HSD17B4: variants seen among roughly 807,000 people sequenced by gnomAD.
HSD17B4 encodes the protein hydroxysteroid 17-beta dehydrogenase 4.
A neutral mutation model predicts 101.0 loss-of-function variants in HSD17B4; 70 were observed. The observed-to-expected ratio is 0.69, with a 90% CI of 0.57 to 0.85. The LOEUF (loss-of-function observed/expected upper bound fraction) is 0.85, where lower values mean the gene tolerates loss of function less well. HSD17B4 is among the 40% of genes least tolerant of loss of function. The probability of loss-of-function intolerance (pLI) is 0.00; values close to 1 mark genes in which losing one functional copy is unlikely to be tolerated. For synonymous variants in HSD17B4, 347 were observed against 297.1 expected, an observed-to-expected ratio of 1.17 and a Z score of -1.73; for missense variants, 984 against 892.4, an observed-to-expected ratio of 1.10 and a Z score of -1.31.
intron 22 of HSD17B4, among the ~76,000 whole-genome samples, chr5:119,532,650 C>A (rs1343570099): frequency 1.3e-5 from 2 of 151,890 alleles, no homozygotes; most frequent in African/African-American, 4.8e-5. Flanking sequence ...AATTTCTAAA[C>A]CCAGCCAGAA....
intron 7 of HSD17B4, chr5:119,477,703 T>C (rs1748721321): frequency 3.6e-6 from 2 of 562,732 alleles, no homozygotes; most frequent in Non-Finnish European, 6.5e-6. Context: ...GAAAGCTTTA[T>C]ATTTATTTTT....
chr5:119,525,372 G>T lies in HSD17B4; in HGVS notation c.1573+87G>T, dbSNP rs1052297910. On this transcript the variant is annotated intron_variant, in intron 18 of 23. Transcript: ENST00000510025. Reference sequence around the variant, plus strand: ...TGTAAAGACACTACTACTTATGACTGGTAGTTTGAGTAGCATTTAAAAAAA... The same window carrying T: ...TGTAAAGACACTACTACTTATGACTTGTAGTTTGAGTAGCATTTAAAAAAA... 8 of 822,112 alleles carry T rather than the reference G, an allele frequency of 9.7e-6. No homozygotes were observed. In the African/African-American group the frequency reaches 1.4e-4, roughly 14 times the overall value. 50.9% of individuals were successfully genotyped at this position (822,112 alleles called of 1,614,324 possible). A position where few individuals can be genotyped will look rare whatever the true frequency, so the allele number is the denominator to read the frequency against.
chr5:119,523,743 A>G (rs932344284), intron 17 of HSD17B4, among the ~76,000 whole-genome samples: 2 of 152,138 alleles, frequency 1.3e-5, no homozygotes, highest in Non-Finnish European at 2.9e-5. Context: ...AAAATAACTA[A>G]CATTTATTGA....
intron 13 of HSD17B4, among the ~76,000 whole-genome samples, chr5:119,500,462 A>C (rs1391198090): frequency 6.6e-6 from 1 of 152,136 alleles, no homozygotes; most frequent in Admixed American, 6.6e-5. Flanking sequence ...ATTTATACAT[A>C]CACATTTATT....
intron 23 of HSD17B4, 57 bp downstream of exon 23, chr5:119,536,607 T>C (rs577966049): frequency 3.2e-4 from 506 of 1,572,468 alleles, no homozygotes; most frequent in Non-Finnish European, 4.1e-4. Context: ...TTTTGACAAT[T>C]GCAGTTTTTA....
At chr5:119,492,240 G>A (rs908436083) in intron 10 of HSD17B4, 116 bp downstream of exon 10, 6 of 806,816 alleles carry the variant, frequency 7.4e-6, no homozygotes, top group Non-Finnish European at 1.1e-5. Flanking sequence ...TATAGTGCTT[G>A]CATATTCAAA....
At position 119,478,573 on chromosome 5, in the gene HSD17B4, T is replaced by C. The variant is rs147413810; in HGVS notation, c.435-261T>C. Among the ~76,000 whole-genome samples the C allele has an allele frequency of 2.7e-3, 414 of 152,296 alleles. 1 individual carries two copies. The highest frequency in any genetic ancestry group is 6.9e-3 in the Admixed American group (105 of 15,276). On this transcript the variant is annotated intron_variant, in intron 7 of 23. Transcript: ENST00000510025. ...TTTTAACTTACATGTTACCAGGTTA[T>C]TTTATGGTTGTAAAGCATAAGTCTA...
chr5:119,529,869 C>G lies in HSD17B4; in HGVS notation c.1768-25C>G, dbSNP rs1753905568. On this transcript the variant is annotated intron_variant, in intron 20 of 23. Coordinates refer to ENST00000510025, the MANE Select transcript of HSD17B4 (RefSeq NM_000414.4). Reference sequence around the variant, plus strand: ...CACTTCCATTGTAATCAGAATAAATCTTTTTTTTTTCTTCTCCTCCTAAGG... The same window carrying G: ...CACTTCCATTGTAATCAGAATAAATGTTTTTTTTTTCTTCTCCTCCTAAGG... 3.2e-6 allele frequency: 4 copies of G among 1,252,724 alleles called. No homozygotes were observed. The Admixed American group carries it at 7.1e-5, about 22-fold the overall frequency. 77.6% of individuals were successfully genotyped at this position (1,252,724 alleles called of 1,614,324 possible). A position where few individuals can be genotyped will look rare whatever the true frequency, so the allele number is the denominator to read the frequency against.
chr5:119,493,752 C>G, intron 10 of HSD17B4, 66 bp from the exon 11 acceptor site: 1 of 1,421,818 alleles, frequency 7.0e-7, no homozygotes, highest in South Asian at 1.2e-5. Context: ...TGAAAGGGTT[C>G]TTATGCATCT....
intron 20 of HSD17B4, among the ~76,000 whole-genome samples, chr5:119,529,125 A>T (rs1216991818): frequency 6.6e-6 from 1 of 152,152 alleles, no homozygotes; most frequent in Non-Finnish European, 1.5e-5. Flanking sequence ...ATATGATGAG[A>T]TGTAGTCAAG....
chr5:119,534,247 ATTTTTGTTTGAATATTG>A (rs1347034421), intron 22 of HSD17B4, among the ~76,000 whole-genome samples: 3 of 152,000 alleles, frequency 2.0e-5, no homozygotes, highest in African/African-American at 4.8e-5. Flanking sequence ...GATACTATGG[ATTTTTGTTTGAATATTG>A]TTTTTGTTTG....
intron 17 of HSD17B4, among the ~76,000 whole-genome samples, chr5:119,519,526 T>C (rs558694796): frequency 3.9e-5 from 6 of 152,350 alleles, no homozygotes; most frequent in African/African-American, 1.2e-4. Flanking sequence ...AGAGAAATCA[T>C]GGATGCTAGT....
chr5:119,456,978 T>A (rs1017848397), intron 2 of HSD17B4, among the ~76,000 whole-genome samples: 1 of 152,286 alleles, frequency 6.6e-6, no homozygotes, highest in Middle Eastern at 3.4e-3. Flanking sequence ...TCATCAAAAC[T>A]TTTCAGCTGG....
chr5:119,497,917 CTT>C (rs1305249437), intron 12 of HSD17B4, among the ~76,000 whole-genome samples: 1 of 151,872 alleles, frequency 6.6e-6, no homozygotes, highest in African/African-American at 2.4e-5. Flanking sequence ...TTTTCTGACT[CTT>C]TAGAAAAGGA....
chr5:119,525,426 A>G, intron 18 of HSD17B4, 141 bp downstream of exon 18: 3 of 683,546 alleles, frequency 4.4e-6, no homozygotes, highest in Non-Finnish European at 7.9e-6. Flanking sequence ...ATTTATGCAA[A>G]GGATATGGAA....
intron 11 of HSD17B4, among the ~76,000 whole-genome samples, chr5:119,494,332 T>C (rs1255396592): frequency 1.7e-5 from 2 of 117,460 alleles, no homozygotes; most frequent in Non-Finnish European, 3.6e-5. Flanking sequence ...TTCTTTTCTT[T>C]CTTTCTTTCT....
intron 4 of HSD17B4, 134 bp from the exon 5 acceptor site, chr5:119,475,572 G>T: frequency 1.4e-6 from 1 of 702,544 alleles, no homozygotes; most frequent in Non-Finnish European, 2.4e-6. Context: ...CTTTTGTTTT[G>T]AAAGCACTCT....
intron 20 of HSD17B4, 142 bp downstream of exon 20, chr5:119,527,361 G>T (rs756300064): frequency 6.6e-6 from 4 of 610,228 alleles, no homozygotes; most frequent in Non-Finnish European, 1.2e-5. Flanking sequence ...CAGCTTGTCT[G>T]GTGTTTTCAA....
At chr5:119,452,903 T>C in intron 1 of HSD17B4, 6 of 1,494,370 alleles carry the variant, frequency 4.0e-6, no homozygotes, top group South Asian at 1.2e-5. Context: ...GGGCTGCTGA[T>C]TGCAAAACTG....
Sources: gnomAD v4.1 joint callset for allele counts (sites outside exome capture counted in the v4.1 genomes callset) on GRCh38, gnomAD v4.1.1 for gene constraint, MANE v1.5 for transcripts, NCBI Gene and HGNC (gene_info 2026-07-23, HGNC 2026-07-21) for gene names.